Variants in ESR2 observed in about 807,000 individuals in gnomAD.
ESR2 encodes estrogen receptor beta.
Under a neutral mutation model 49.6 loss-of-function variants are expected in ESR2, and 36 were observed. The observed-to-expected ratio is 0.73, with a 90% confidence interval of 0.56 to 0.96. ESR2 has a LOEUF of 0.96. Among genes scored for constraint, ESR2 ranks in the 40% least tolerant of loss-of-function variants. The probability of loss-of-function intolerance (pLI) is 0.00; values close to 1 mark genes in which losing one functional copy is unlikely to be tolerated. For synonymous variants in ESR2, 320 were observed against 266.1 expected (o/e 1.20, Z -1.97); for missense variants, 714 against 693.0 (o/e 1.03, Z -0.34).
chr14:64,284,561 A>T (rs1375355560), intron 1 of ESR2, among the ~76,000 whole-genome samples: 1 of 151,840 alleles, frequency 6.6e-6, no homozygotes, highest in East Asian at 1.9e-4. Context: ...ACCTCAAGTG[A>T]TCTGCCTGTT....
At chr14:64,253,315 C>T (rs1394167576) in intron 6 of ESR2, among the ~76,000 whole-genome samples, 1 of 151,950 alleles carries the variant, frequency 6.6e-6, no homozygotes, top group Non-Finnish European at 1.5e-5. Context: ...CTCAGCTTCC[C>T]AAGTAGCTGG....
chr14:64,260,290 G>A (rs1310642136), intron 5 of ESR2, 159 bp downstream of exon 5: 1 of 813,212 alleles, frequency 1.2e-6, no homozygotes, highest in African/African-American at 1.7e-5. Flanking sequence ...CAAGACAGAA[G>A]GAAGGAACAT....
chr14:64,241,746 T>C (rs1397818323), intron 7 of ESR2, among the ~76,000 whole-genome samples: 7 of 152,210 alleles, frequency 4.6e-5, no homozygotes, highest in Non-Finnish European at 8.8e-5. Flanking sequence ...AGAAATACAA[T>C]TGATTTATAT....
At chr14:64,254,086 T>G (rs2076048615) in intron 6 of ESR2, among the ~76,000 whole-genome samples, 1 of 152,124 alleles carries the variant, frequency 6.6e-6, no homozygotes, top group Admixed American at 6.5e-5. Flanking sequence ...AGACACAAGT[T>G]TTCTTGTTGT....
chr14:64,227,285 A>G, downstream of ESR2: 1 of 519,110 alleles, frequency 1.9e-6, no homozygotes, highest in Non-Finnish European at 3.4e-6. Context: ...TGGGTGAGAC[A>G]TCTGCAAGCC....
chr14:64,232,014 T>C lies in ESR2; in HGVS notation c.*1123A>G, dbSNP rs1489168861. The stretch of plus-strand genomic sequence containing the variant: ...CAAGTGTAAAAGAATTCTTTCTTGC[T>C]ATAAATAATTATCCCTAAATATTTC... On this transcript the variant is annotated 3_prime_UTR_variant, in exon 9 of 9. Coordinates refer to ENST00000341099, the MANE Select transcript of ESR2 (RefSeq NM_001437.3). 1 of 152,254 alleles carries C rather than the reference T, an allele frequency of 6.6e-6. No individual in the cohort carries two copies. Among genetic ancestry groups the C allele is most frequent in the Non-Finnish European group, 1.5e-5 (1 of 68,036 alleles). The allele number at this position is 152,254 out of a possible 1,614,324, so 9.4% of individuals were successfully genotyped here. A position where few individuals can be genotyped will look rare whatever the true frequency, so the allele number is the denominator to read the frequency against.
At chr14:64,305,467 G>A (rs1267683301) in intron 1 of ESR2, among the ~76,000 whole-genome samples, 3 of 151,398 alleles carry the variant, frequency 2.0e-5, no homozygotes, top group East Asian at 2.0e-4. Flanking sequence ...TCAGGAGATC[G>A]AGACCATCCT....
intron 7 of ESR2, among the ~76,000 whole-genome samples, chr14:64,249,003 G>A (rs1231486402): frequency 1.3e-5 from 2 of 152,144 alleles, no homozygotes; most frequent in African/African-American, 4.8e-5. Context: ...CTGAAGATTT[G>A]TTCAATCATT....
chr14:64,257,927 AT>A (rs2076136574), intron 5 of ESR2, among the ~76,000 whole-genome samples: 1 of 152,194 alleles, frequency 6.6e-6, no homozygotes, highest in South Asian at 2.1e-4. Context: ...GGGTGATTCT[AT>A]CCTAAACAGC....
intron 4 of ESR2, among the ~76,000 whole-genome samples, chr14:64,261,326 C>T (rs2076220863): frequency 6.7e-6 from 1 of 148,714 alleles, no homozygotes; most frequent in Non-Finnish European, 1.5e-5. Context: ...CAAGCTCCGC[C>T]TACCGGGTTC....
intron 1 of ESR2, among the ~76,000 whole-genome samples, chr14:64,290,899 C>T (rs1357623863): frequency 1.3e-5 from 2 of 152,092 alleles, no homozygotes; most frequent in Admixed American, 6.6e-5. Flanking sequence ...AACCAATTGG[C>T]GCTTATTTAG....
chr14:64,275,177 G>A (rs1396286607), intron 3 of ESR2, among the ~76,000 whole-genome samples: 4 of 152,156 alleles, frequency 2.6e-5, no homozygotes, highest in Admixed American at 6.5e-5. Flanking sequence ...TGATCTGTTC[G>A]ATGCTGAAAG....
intron 1 of ESR2, among the ~76,000 whole-genome samples, chr14:64,325,208 A>C (rs2077373933): frequency 6.6e-6 from 1 of 152,226 alleles, no homozygotes; most frequent in South Asian, 2.1e-4. Context: ...TTAACAAAAG[A>C]ATGTAATACC....
intron 1 of ESR2, among the ~76,000 whole-genome samples, chr14:64,336,900 T>C (rs2077538111): frequency 6.6e-6 from 1 of 152,160 alleles, no homozygotes; most frequent in African/African-American, 2.4e-5. Context: ...ATTCAGATTT[T>C]TCTCATCAGA....
At chr14:64,260,273 G>C in intron 5 of ESR2, 176 bp downstream of exon 5, 1 of 782,982 alleles carries the variant, frequency 1.3e-6, no homozygotes, top group Non-Finnish European at 2.3e-6. Flanking sequence ...GTTGAAGGTA[G>C]GTATGCCAAG....
At chr14:64,332,851 C>T (rs947438994) in intron 1 of ESR2, among the ~76,000 whole-genome samples, 2 of 149,068 alleles carry the variant, frequency 1.3e-5, no homozygotes, top group Admixed American at 1.3e-4. Context: ...TCTCTACACA[C>T]ATTGACCAGA....
intron 1 of ESR2, among the ~76,000 whole-genome samples, chr14:64,333,028 C>G (rs1001226274): frequency 6.6e-6 from 1 of 151,486 alleles, no homozygotes; most frequent in African/African-American, 2.4e-5. Flanking sequence ...AGGTGCCCAC[C>G]ACCACGCCCA....
At position 64,229,905 on chromosome 14, in the gene ESR2, A is replaced by T. The variant is rs1212570528; in HGVS notation, c.*3232T>A. 6.6e-6 allele frequency among the ~76,000 whole-genome samples: 1 copy of T among 152,182 alleles called. No homozygotes were observed. The highest frequency in any genetic ancestry group is 2.4e-5 in the African/African-American group (1 of 41,440). On this transcript the variant is annotated 3_prime_UTR_variant, in exon 9 of 9. Transcript: ENST00000341099. Reference sequence around the variant, plus strand: ...AAAAAAAAATGTGGCGGGGCTGGGCACAGTGGCTCATGCCTGTAATCTCAG... The same window carrying T: ...AAAAAAAAATGTGGCGGGGCTGGGCTCAGTGGCTCATGCCTGTAATCTCAG...
chr14:64,269,709 C>T (rs1270949256), intron 3 of ESR2, among the ~76,000 whole-genome samples: 2 of 152,168 alleles, frequency 1.3e-5, no homozygotes, highest in Admixed American at 1.3e-4. Flanking sequence ...CTACTCTAAA[C>T]AACTCAAAGA....
Sources: allele counts gnomAD v4.1 joint callset (sites outside exome capture counted in the v4.1 genomes callset), GRCh38; gene constraint gnomAD v4.1.1; transcripts MANE v1.5; gene names NCBI Gene and HGNC (gene_info 2026-07-23, HGNC 2026-07-21).